CDH13: variants seen among roughly 807,000 people sequenced by gnomAD.
CDH13 encodes cadherin 13, also known as cadherin-13.
In CDH13, 24 loss-of-function variants were observed where a neutral mutation model predicts 63.8. The ratio of observed to expected loss-of-function variants is 0.38; its 90% CI spans 0.27 to 0.53. CDH13 has a LOEUF of 0.53. CDH13 is among the 20% of genes least tolerant of loss of function. CDH13 has a pLI of 0.85. For synonymous variants in CDH13, 503 were observed against 355.3 expected (o/e 1.42, Z -4.67); for missense variants, 1,049 against 903.1 (o/e 1.16, Z -2.07).
intron 2 of CDH13, among the ~76,000 whole-genome samples, chr16:82,977,912 T>A (rs1342900580): frequency 6.6e-6 from 1 of 152,146 alleles, no homozygotes; most frequent in African/African-American, 2.4e-5. Context: ...TCCTAGAGAT[T>A]TGTTGAATGT....
At chr16:82,804,140 A>C (rs1054824214) in intron 1 of CDH13, among the ~76,000 whole-genome samples, 1 of 126,068 alleles carries the variant, frequency 7.9e-6, no homozygotes, top group Non-Finnish European at 1.7e-5. Context: ...AGGCAAGAGA[A>C]TCGCTTGAAC....
At chr16:83,075,730 A>G (rs894873351) in intron 3 of CDH13, among the ~76,000 whole-genome samples, 12 of 152,208 alleles carry the variant, frequency 7.9e-5, no homozygotes, top group African/African-American at 2.9e-4. Context: ...AGACATATCA[A>G]TCTTGCTTGG....
chr16:82,675,462 G>A (rs1449473857), intron 1 of CDH13, among the ~76,000 whole-genome samples: 2 of 152,136 alleles, frequency 1.3e-5, no homozygotes, highest in South Asian at 2.1e-4. Flanking sequence ...GACCCAGTAA[G>A]CTTGCCATTA....
At chr16:83,722,969 G>A (rs766422940) in intron 10 of CDH13, among the ~76,000 whole-genome samples, 7 of 152,204 alleles carry the variant, frequency 4.6e-5, no homozygotes, top group Non-Finnish European at 2.9e-5. Context: ...ATATTTCTGA[G>A]CACAGAGCTG....
At chr16:83,125,006 A>G (rs537933344) in intron 3 of CDH13, among the ~76,000 whole-genome samples, 1 of 152,224 alleles carries the variant, frequency 6.6e-6, no homozygotes, top group Non-Finnish European at 1.5e-5. Flanking sequence ...CCAATTCTTT[A>G]TTGGCTGTAA....
chr16:83,463,647 T>C (rs1234462883), intron 6 of CDH13, among the ~76,000 whole-genome samples: 2 of 152,076 alleles, frequency 1.3e-5, no homozygotes, highest in African/African-American at 4.8e-5. Context: ...ATAAAAATTT[T>C]AAAAATTTAA....
intron 3 of CDH13, among the ~76,000 whole-genome samples, chr16:83,083,517 C>A (rs995487091): frequency 6.6e-6 from 1 of 152,098 alleles, no homozygotes; most frequent in Non-Finnish European, 1.5e-5. Context: ...ACTGACATGC[C>A]CAGTATCACA....
chr16:83,761,916 A>T (rs1914003100), intron 11 of CDH13, among the ~76,000 whole-genome samples: 1 of 151,452 alleles, frequency 6.6e-6, no homozygotes, highest in Non-Finnish European at 1.5e-5. Flanking sequence ...AAAATACAAA[A>T]ATTAGCCAGG....
intron 2 of CDH13, chr16:82,859,403 C>T (rs67063178): frequency 0.12 from 17,892 of 152,092 alleles, 1,210 homozygotes; most frequent in Non-Finnish European, 0.16. Context: ...ACTAAAGTTA[C>T]AAAACTTAGC....
At chr16:82,631,576 G>C (rs1010009863) in intron 1 of CDH13, among the ~76,000 whole-genome samples, 1 of 152,206 alleles carries the variant, frequency 6.6e-6, no homozygotes, top group African/African-American at 2.4e-5. Flanking sequence ...GAAGGATGCT[G>C]CCAATATAAT....
chr16:83,123,477 C>G (rs1031861051), intron 3 of CDH13, among the ~76,000 whole-genome samples: 3 of 152,058 alleles, frequency 2.0e-5, no homozygotes, highest in African/African-American at 7.2e-5. Context: ...CGAGGTTTCT[C>G]CATGTTGGTC....
intron 4 of CDH13, among the ~76,000 whole-genome samples, chr16:83,138,493 A>T (rs1049905739): frequency 6.6e-5 from 10 of 152,216 alleles, no homozygotes; most frequent in African/African-American, 2.4e-4. Flanking sequence ...AGTGGGAAGA[A>T]CATGATCCAG....
chr16:82,660,825 A>G (rs1265792457), intron 1 of CDH13, among the ~76,000 whole-genome samples: 1 of 152,066 alleles, frequency 6.6e-6, no homozygotes, highest in East Asian at 1.9e-4. Context: ...TGCTGCTTCA[A>G]TTTTGTTCCG....
At chr16:82,800,701 G>A (rs571473090) in intron 1 of CDH13, among the ~76,000 whole-genome samples, 1 of 152,222 alleles carries the variant, frequency 6.6e-6, no homozygotes, top group East Asian at 1.9e-4. Flanking sequence ...CCATTCAACT[G>A]CCACACACCT....
intron 1 of CDH13, chr16:82,705,319 C>T (rs2031401583): frequency 1.8e-4 from 64 of 359,926 alleles, no homozygotes; most frequent in South Asian, 1.4e-3. Flanking sequence ...ATTTCTTCTC[C>T]TTCTCTCCAG....
At chr16:83,126,761 C>A (rs1379392626) in intron 4 of CDH13, among the ~76,000 whole-genome samples, 4 of 152,194 alleles carry the variant, frequency 2.6e-5, no homozygotes, top group African/African-American at 9.6e-5. Context: ...ATCTTAATGG[C>A]AGTTGCTGTT....
At chr16:82,859,890 G>C (rs2039867483) in intron 2 of CDH13, among the ~76,000 whole-genome samples, 1 of 152,196 alleles carries the variant, frequency 6.6e-6, no homozygotes, top group Admixed American at 6.5e-5. Context: ...TGACGCCAAT[G>C]AAATCATTTC....
intron 4 of CDH13, among the ~76,000 whole-genome samples, chr16:83,173,947 G>C (rs2038022652): frequency 6.6e-6 from 1 of 152,036 alleles, no homozygotes; most frequent in African/African-American, 2.4e-5. Flanking sequence ...CATATCCCTG[G>C]TTATTTCAAA....
intron 1 of CDH13, among the ~76,000 whole-genome samples, chr16:82,768,941 G>T (rs2035162298): frequency 6.6e-6 from 1 of 152,090 alleles, no homozygotes; most frequent in South Asian, 2.1e-4. Flanking sequence ...TTCTCTTGAG[G>T]GCTGGGCACA....
Sources: gnomAD v4.1 joint callset for allele counts (sites outside exome capture counted in the v4.1 genomes callset) on GRCh38, gnomAD v4.1.1 for gene constraint, MANE v1.5 for transcripts, NCBI Gene and HGNC (gene_info 2026-07-23, HGNC 2026-07-21) for gene names.